The following ADAMTS17 variants were observed in gnomAD, a reference collection of about 807,000 sequenced individuals.
ADAMTS17 encodes the protein ADAM metallopeptidase with thrombospondin type 1 motif 17, also known as A disintegrin and metalloproteinase with thrombospondin motifs 17.
ADAMTS17 carries 113 observed loss-of-function variants against 141.5 expected under a neutral mutation model. The ratio of observed to expected loss-of-function variants is 0.80; its 90% CI spans 0.69 to 0.93. ADAMTS17 has a LOEUF of 0.93. ADAMTS17 is among the 40% of genes least tolerant of loss of function. ADAMTS17 has a pLI of 0.00. For missense variants in ADAMTS17, 1,659 were observed against 1,517.9 expected (o/e 1.09, Z -1.54); for synonymous variants, 768 against 630.6 (o/e 1.22, Z -3.27).
At chr15:99,984,605 T>C (rs1422830178) in intron 20 of ADAMTS17, among the ~76,000 whole-genome samples, 2 of 152,218 alleles carry the variant, frequency 1.3e-5, no homozygotes, top group African/African-American at 4.8e-5. Context: ...GTGAATGCTA[T>C]GCTTGGATGC....
intron 2 of ADAMTS17, chr15:100,339,150 G>T: frequency 1.0e-6 from 1 of 985,488 alleles, no homozygotes; most frequent in Non-Finnish European, 1.2e-6. Context: ...TGTTGGCCAG[G>T]TTCCTTTATC....
At chr15:100,063,697 G>A (rs1176009664) in intron 15 of ADAMTS17, 1 of 1,289,940 alleles carries the variant, frequency 7.8e-7, no homozygotes, top group South Asian at 1.2e-5. Flanking sequence ...CTGTGGGCAG[G>A]TTTATCCTCC....
At chr15:100,320,325 C>A (rs2045694177) in intron 3 of ADAMTS17, among the ~76,000 whole-genome samples, 1 of 152,134 alleles carries the variant, frequency 6.6e-6, no homozygotes, top group African/African-American at 2.4e-5. Context: ...CACGACAAGT[C>A]CCAAACAGAA....
At chr15:100,133,181 G>C (rs758190616) in intron 11 of ADAMTS17, 33 bp downstream of exon 11, 3 of 1,545,498 alleles carry the variant, frequency 1.9e-6, no homozygotes, top group African/African-American at 2.7e-5. Context: ...ATGTGGAGCT[G>C]CCTGTTGGGG....
At chr15:100,077,878 A>G (rs756635575) in intron 15 of ADAMTS17, among the ~76,000 whole-genome samples, 26 of 152,338 alleles carry the variant, frequency 1.7e-4, no homozygotes, top group Non-Finnish European at 1.5e-4. Context: ...GAATCCATTA[A>G]AAAACCTATA....
intron 4 of ADAMTS17, among the ~76,000 whole-genome samples, chr15:100,262,767 G>T (rs1234287531): frequency 7.0e-6 from 1 of 143,104 alleles, no homozygotes; most frequent in Admixed American, 7.0e-5. Context: ...AATATAGGTT[G>T]TACTCTTCCA....
rs541383228 is a variant in ADAMTS17 at position 99,990,761 on chromosome 15, C to T, written c.2949+2287G>A. Reference sequence around the variant, plus strand: ...CCAATGGAAAACCCATTTTTCCTTCCGTAAAGCACAGGCAGAAGCAAAATT... The same window carrying T: ...CCAATGGAAAACCCATTTTTCCTTCTGTAAAGCACAGGCAGAAGCAAAATT... On this transcript the variant is annotated intron_variant, in intron 20 of 21. Coordinates refer to ENST00000268070, the MANE Select transcript of ADAMTS17 (RefSeq NM_139057.4). Among the ~76,000 whole-genome samples, 31 of 151,878 alleles carry T rather than the reference C, an allele frequency of 2.0e-4. 1 individual carries two copies. Among genetic ancestry groups the T allele is most frequent in the South Asian group, 6.2e-4 (3 of 4,802 alleles).
At chr15:100,198,635 A>G (rs1361430151) in intron 8 of ADAMTS17, among the ~76,000 whole-genome samples, 1 of 152,222 alleles carries the variant, frequency 6.6e-6, no homozygotes, top group Non-Finnish European at 1.5e-5. Flanking sequence ...TACTCTAGGA[A>G]AAAGAACAAC....
chr15:100,275,590 C>A (rs58744881), intron 4 of ADAMTS17, among the ~76,000 whole-genome samples: 1,741 of 152,296 alleles, frequency 0.011, 32 homozygotes, highest in African/African-American at 0.04. Context: ...CAGTCCCGGA[C>A]TGGAGTCCTT....
intron 18 of ADAMTS17, among the ~76,000 whole-genome samples, chr15:99,998,729 T>C (rs1054151263): frequency 3.9e-5 from 6 of 152,206 alleles, no homozygotes; most frequent in African/African-American, 1.4e-4. Context: ...GAATCATGCT[T>C]CCTCATGACA....
intron 18 of ADAMTS17, among the ~76,000 whole-genome samples, chr15:100,012,708 T>C (rs1334962559): frequency 3.9e-5 from 6 of 152,206 alleles, no homozygotes; most frequent in Non-Finnish European, 8.8e-5. Context: ...TATTTGGGTT[T>C]ATTCTGGGTT....
Position 100,083,724 on chromosome 15 carries a change from G to A in ADAMTS17, c.2137+12632C>T, listed in dbSNP as rs62043191. On this transcript the variant is annotated intron_variant, in intron 15 of 21. Transcript: ENST00000268070. ...AGTTGGTGCCTTATTGTTGTGCCCTGATCCCCAGGCAGTTGTGTGGTCATC... is the reference window on the plus strand; with the variant it reads ...AGTTGGTGCCTTATTGTTGTGCCCTAATCCCCAGGCAGTTGTGTGGTCATC... Among the ~76,000 whole-genome samples, 543 of 149,956 alleles carry A rather than the reference G, an allele frequency of 3.6e-3. 2 individuals are homozygous for A. Among genetic ancestry groups the A allele is most frequent in the Middle Eastern group, 0.017 (5 of 294 alleles).
At chr15:100,303,518 GT>G (rs1336962584) in intron 3 of ADAMTS17, among the ~76,000 whole-genome samples, 1 of 151,968 alleles carries the variant, frequency 6.6e-6, no homozygotes, top group Non-Finnish European at 1.5e-5. Flanking sequence ...GGTACCGTAT[GT>G]AAGAAACCAT....
chr15:100,147,000 G>A (rs973410097), intron 10 of ADAMTS17, among the ~76,000 whole-genome samples: 14 of 152,006 alleles, frequency 9.2e-5, no homozygotes, highest in South Asian at 2.1e-4. Flanking sequence ...ATTTCACCCC[G>A]GTCCTGTGGT....
intron 3 of ADAMTS17, among the ~76,000 whole-genome samples, chr15:100,293,564 A>T (rs2142138823): frequency 6.6e-6 from 1 of 152,308 alleles, no homozygotes; most frequent in Admixed American, 6.5e-5. Context: ...TCTGGAGGTC[A>T]CCCAGTGTGC....
At chr15:100,162,311 C>T (rs1027465931) in intron 8 of ADAMTS17, among the ~76,000 whole-genome samples, 12 of 150,206 alleles carry the variant, frequency 8.0e-5, no homozygotes, top group South Asian at 2.1e-4. Flanking sequence ...GACATATATA[C>T]GTACATGTAA....
intron 7 of ADAMTS17, among the ~76,000 whole-genome samples, chr15:100,229,320 C>T (rs1404510136): frequency 6.7e-6 from 1 of 150,064 alleles, no homozygotes; most frequent in Non-Finnish European, 1.5e-5. Context: ...ATTGACTGGA[C>T]TCCCAGGCCT....
intron 7 of ADAMTS17, among the ~76,000 whole-genome samples, chr15:100,240,810 T>G (rs910308269): frequency 6.6e-6 from 1 of 152,194 alleles, no homozygotes; most frequent in African/African-American, 2.4e-5. Flanking sequence ...AACTTCTGTT[T>G]GTTTTTCTCT....
At chr15:99,999,497 G>C (rs1326510284) in intron 18 of ADAMTS17, among the ~76,000 whole-genome samples, 1 of 152,074 alleles carries the variant, frequency 6.6e-6, no homozygotes, top group Non-Finnish European at 1.5e-5. Flanking sequence ...GGGTGCAAAG[G>C]CCCTGGTGGA....
Sources: gnomAD v4.1 joint callset for allele counts (sites outside exome capture counted in the v4.1 genomes callset) on GRCh38, gnomAD v4.1.1 for gene constraint, MANE v1.5 for transcripts, NCBI Gene and HGNC (gene_info 2026-07-23, HGNC 2026-07-21) for gene names.